ABHD12B: variants seen among roughly 807,000 people sequenced by gnomAD.
ABHD12B encodes the protein abhydrolase domain containing 12B.
ABHD12B carries 42 observed loss-of-function variants against 50.4 expected under a neutral mutation model. The observed-to-expected ratio is 0.83, with a 90% CI of 0.65 to 1.08. The LOEUF (loss-of-function observed/expected upper bound fraction) is 1.08, where lower values mean the gene tolerates loss of function less well. ABHD12B is among the 50% of genes least tolerant of loss of function. ABHD12B has a pLI of 0.00. For synonymous variants in ABHD12B, 167 were observed against 160.3 expected, an observed-to-expected ratio of 1.04 and a Z score of -0.32; for missense variants, 479 against 447.7, an observed-to-expected ratio of 1.07 and a Z score of -0.63.
At chr14:50,903,659 T>C (rs1428417118) in intron 11 of ABHD12B, among the ~76,000 whole-genome samples, 192 bp downstream of exon 11, 1 of 152,124 alleles carries the variant, frequency 6.6e-6, no homozygotes, top group Non-Finnish European at 1.5e-5. Flanking sequence ...AAAGGAGTGT[T>C]TGTGGCAGAG....
intron 9 of ABHD12B, among the ~76,000 whole-genome samples, chr14:50,897,965 G>A (rs1191522804): frequency 2.0e-5 from 3 of 152,174 alleles, no homozygotes; most frequent in African/African-American, 7.2e-5. Context: ...TGAAGAGAGA[G>A]GCTTTGCTCA....
intron 9 of ABHD12B, among the ~76,000 whole-genome samples, chr14:50,890,405 A>T (rs1430422773): frequency 6.6e-6 from 1 of 152,196 alleles, no homozygotes; most frequent in African/African-American, 2.4e-5. Flanking sequence ...TTCCCAATCC[A>T]GTAAGCCTTA....
intron 4 of ABHD12B, 21 bp downstream of exon 4, chr14:50,880,592 ATT>A: frequency 1.3e-6 from 2 of 1,506,604 alleles, no homozygotes; most frequent in Non-Finnish European, 1.8e-6. Context: ...CTGCTTACAT[ATT>A]TTTTTTTCAG....
intron 7 of ABHD12B, among the ~76,000 whole-genome samples, chr14:50,886,097 C>T (rs1000262501): frequency 2.6e-5 from 4 of 152,086 alleles, no homozygotes; most frequent in South Asian, 4.1e-4. Context: ...TTCAGCTCTA[C>T]GGTTATCTAT....
chr14:50,896,205 A>G (rs574716975), intron 9 of ABHD12B, among the ~76,000 whole-genome samples: 75 of 152,234 alleles, frequency 4.9e-4, no homozygotes, highest in African/African-American at 1.7e-3. Flanking sequence ...AAAGCCTGTT[A>G]TCACTCACCT....
chr14:50,889,014 TTA>T (rs1440958934), intron 9 of ABHD12B, 111 bp downstream of exon 9: 3 of 832,998 alleles, frequency 3.6e-6, no homozygotes, highest in Non-Finnish European at 5.4e-6. Flanking sequence ...TTAAGTAGTT[TTA>T]TATGTTTTTA....
intron 9 of ABHD12B, among the ~76,000 whole-genome samples, chr14:50,900,758 C>T (rs1298677775): frequency 6.6e-6 from 1 of 152,144 alleles, no homozygotes; most frequent in Admixed American, 6.5e-5. Context: ...GCAGCAGAGC[C>T]AGGAGGTGGA....
chr14:50,898,315 T>G (rs936843552), intron 9 of ABHD12B, among the ~76,000 whole-genome samples: 1 of 152,196 alleles, frequency 6.6e-6, no homozygotes, highest in Non-Finnish European at 1.5e-5. Context: ...ATCTTCTAAT[T>G]GCAGGCAGAT....
chr14:50,880,277 G>T (rs1195115927), intron 3 of ABHD12B, among the ~76,000 whole-genome samples, 175 bp from the exon 4 acceptor site: 1 of 152,192 alleles, frequency 6.6e-6, no homozygotes, highest in Non-Finnish European at 1.5e-5. Flanking sequence ...TAGGGCAGTT[G>T]TGGTTCTCGT....
intron 5 of ABHD12B, among the ~76,000 whole-genome samples, chr14:50,883,849 C>T (rs145153722): frequency 6.6e-6 from 1 of 152,204 alleles, no homozygotes; most frequent in Admixed American, 6.5e-5. Flanking sequence ...ATTAAATTTT[C>T]ATTCATTCAT....
At chr14:50,889,538 T>C (rs2050088911) in intron 9 of ABHD12B, among the ~76,000 whole-genome samples, 1 of 152,122 alleles carries the variant, frequency 6.6e-6, no homozygotes, top group Non-Finnish European at 1.5e-5. Context: ...CTCAGGAGGC[T>C]GAGGCAGGAG....
chr14:50,881,443 T>C (rs2049944141), intron 4 of ABHD12B, among the ~76,000 whole-genome samples, 153 bp from the exon 5 acceptor site: 1 of 151,578 alleles, frequency 6.6e-6, no homozygotes, highest in South Asian at 2.1e-4. Context: ...TTTTTTTTTT[T>C]ACATTTCCCC....
chr14:50,904,074 C>G lies in ABHD12B; in HGVS notation c.943C>G (p.Leu315Val). Residue 315 changes from leucine to valine, a missense_variant and splice_region_variant, in exon 12 of 13, where the codon CTC (leucine) becomes GTC (valine). Transcript: ENST00000337334. Reference sequence around the variant, plus strand: ...TTGAGTCTCTTTCTGTCGCTTGCAGCTCTATGAAATTGCACGCAATGCATA... The same window carrying G: ...TTGAGTCTCTTTCTGTCGCTTGCAGGTCTATGAAATTGCACGCAATGCATA... ...RTVPLEYGKK[L>V]YEIARNAYRN... 1 of 1,610,692 alleles carries G rather than the reference C, an allele frequency of 6.2e-7. No homozygotes were observed. Among genetic ancestry groups the G allele is most frequent in the Non-Finnish European group, 8.5e-7 (1 of 1,177,954 alleles).
intron 5 of ABHD12B, among the ~76,000 whole-genome samples, chr14:50,882,373 CTTTT>C (rs386381352): frequency 1.2e-4 from 10 of 81,844 alleles, no homozygotes; most frequent in African/African-American, 4.7e-4. Context: ...AGAATGTCTG[CTTTT>C]TTTTTTTTTT....
chr14:50,888,585 G>C (rs1555324318), intron 8 of ABHD12B, among the ~76,000 whole-genome samples: 1 of 152,116 alleles, frequency 6.6e-6, no homozygotes, highest in Non-Finnish European at 1.5e-5. Flanking sequence ...CATGTGCACA[G>C]AAACCTCTTG....
chr14:50,881,209 C>T (rs140800670), intron 4 of ABHD12B, among the ~76,000 whole-genome samples: 26 of 152,260 alleles, frequency 1.7e-4, no homozygotes, highest in Admixed American at 9.2e-4. Context: ...TGACGATCAT[C>T]GGCTGTGACT....
chr14:50,884,496 G>C (rs1005213441), intron 5 of ABHD12B, among the ~76,000 whole-genome samples: 2 of 152,198 alleles, frequency 1.3e-5, no homozygotes, highest in Non-Finnish European at 2.9e-5. Flanking sequence ...GGCAGACCCA[G>C]GAGTGAATCT....
chr14:50,900,611 G>A (rs938395206), intron 9 of ABHD12B, among the ~76,000 whole-genome samples: 3 of 152,206 alleles, frequency 2.0e-5, no homozygotes, highest in Non-Finnish European at 2.9e-5. Context: ...AAACAGCTCC[G>A]AAGAAATAGC....
chr14:50,878,141 C>T (rs1002919784), intron 2 of ABHD12B, 62 bp downstream of exon 2: 11 of 1,355,436 alleles, frequency 8.1e-6, no homozygotes, highest in Non-Finnish European at 9.7e-6. Context: ...ACCTCAGTAC[C>T]CTTAAAGTTG....
Sources: gnomAD v4.1 joint callset for allele counts (sites outside exome capture counted in the v4.1 genomes callset) on GRCh38, gnomAD v4.1.1 for gene constraint, MANE v1.5 for transcripts, NCBI Gene and HGNC (gene_info 2026-07-23, HGNC 2026-07-21) for gene names.